Variants in RYR2 observed in about 807,000 individuals in gnomAD.
RYR2 encodes cardiac muscle ryanodine receptor-calcium release channel.
A neutral mutation model predicts 601.1 loss-of-function variants in RYR2; 227 were observed. That is an observed-to-expected ratio of 0.38 (90% CI 0.34 to 0.42). The LOEUF (loss-of-function observed/expected upper bound fraction) is 0.42. RYR2 is among the 10% of genes least tolerant of loss of function. The pLI, the probability that RYR2 is intolerant of heterozygous loss-of-function variation, is 1.00. For missense variants in RYR2, 4,646 were observed against 6,156.5 expected (o/e 0.75, Z 8.21); for synonymous variants, 2,223 against 2,175.1 (o/e 1.02, Z -0.61).
chr1:237,815,578 C>G lies in RYR2; in HGVS notation c.14434-3458C>G, dbSNP rs566489922. On this transcript the variant is annotated intron_variant, in intron 100 of 104. Transcript: ENST00000366574. ...TGACTGTTAAGTCCACTACCGATCT[C>G]TGCTGGAATCCCTTCATCACAATGC... 2.4e-4 allele frequency among the ~76,000 whole-genome samples: 37 copies of G among 152,184 alleles called. 2 individuals are homozygous for G. Among genetic ancestry groups the G allele is most frequent in the Non-Finnish European group, 4.4e-5 (3 of 68,036 alleles).
intron 44 of RYR2, among the ~76,000 whole-genome samples, chr1:237,638,039 G>A (rs978771349): frequency 6.6e-6 from 1 of 151,558 alleles, no homozygotes; most frequent in Non-Finnish European, 1.5e-5. Flanking sequence ...TAGTCCGTGA[G>A]TCTTGAGCCC....
At chr1:237,263,972 C>T (rs543390776) in intron 1 of RYR2, among the ~76,000 whole-genome samples, 2 of 152,140 alleles carry the variant, frequency 1.3e-5, no homozygotes, top group South Asian at 4.2e-4. Flanking sequence ...ATAGGGGCTG[C>T]TATTTTAGAT....
chr1:237,655,977 A>T lies in RYR2; in HGVS notation c.8122A>T (p.Thr2708Ser), dbSNP rs1400288563. 6.2e-7 allele frequency: 1 copy of T among 1,613,070 alleles called. No homozygotes were observed. Among genetic ancestry groups the T allele is most frequent in the South Asian group, 1.1e-5 (1 of 90,856 alleles). The change falls in exon 53 of 105, where the codon ACC (threonine) becomes TCC (serine). Residue 2708 changes from threonine (T) to serine (S), a missense_variant. This residue lies in a region of RYR2 where 1,497 missense variants were observed against 1,842.6 expected (regional missense o/e 0.81). Coordinates refer to ENST00000366574, the MANE Select transcript of RYR2 (RefSeq NM_001035.3). ...EGNFNPQPVD[T>S]SNITIPEKLE... The stretch of plus-strand genomic sequence containing the variant: ...GAACTTTAACCCACAACCTGTTGAT[A>T]CCTCAAAGTATGGACTCTTTCTATT...
intron 1 of RYR2, among the ~76,000 whole-genome samples, chr1:237,121,902 T>G (rs1387199406): frequency 6.6e-6 from 1 of 152,168 alleles, no homozygotes; most frequent in Admixed American, 6.5e-5. Context: ...AAATTAAGTG[T>G]GAAATGCAGG....
intron 3 of RYR2, among the ~76,000 whole-genome samples, chr1:237,335,120 G>C (rs1374621311): frequency 6.6e-6 from 1 of 152,022 alleles, no homozygotes; most frequent in Non-Finnish European, 1.5e-5. Context: ...CTCGACCCCA[G>C]TATTCTCATC....
chr1:237,443,101 A>T (rs910169471), intron 13 of RYR2, among the ~76,000 whole-genome samples: 3 of 151,700 alleles, frequency 2.0e-5, no homozygotes, highest in Non-Finnish European at 4.4e-5. Context: ...TTTTCTCTAC[A>T]CTTCGCTTCT....
intron 81 of RYR2, among the ~76,000 whole-genome samples, chr1:237,756,679 G>A (rs1692982493): frequency 6.6e-6 from 1 of 152,064 alleles, no homozygotes. Context: ...GGGGGTGCAC[G>A]AGCTTTTTCT....
At chr1:237,166,575 A>C (rs1676738554) in intron 1 of RYR2, among the ~76,000 whole-genome samples, 2 of 152,208 alleles carry the variant, frequency 1.3e-5, no homozygotes, top group African/African-American at 4.8e-5. Flanking sequence ...TAACAAAGTT[A>C]GTCATTGAAA....
At position 237,660,085 on chromosome 1, in the gene RYR2, T is replaced by C; in HGVS notation, c.8298+11T>C. ...CTATTGTCTGAAAAGGTAAGGATTT[T>C]TTGTTTGTTTTAGTTTGTAAAGTTT... is the stretch of plus-strand genomic sequence containing the variant. On this transcript the variant is annotated intron_variant, in intron 55 of 104. Coordinates refer to ENST00000366574, the MANE Select transcript of RYR2 (RefSeq NM_001035.3). 1 of 1,458,910 alleles carries C rather than the reference T, an allele frequency of 6.9e-7. No homozygotes were observed. Among genetic ancestry groups the C allele is most frequent in the Non-Finnish European group, 9.1e-7 (1 of 1,095,482 alleles). 90.4% of individuals were successfully genotyped at this position (1,458,910 alleles called of 1,614,324 possible). A position where few individuals can be genotyped will look rare whatever the true frequency, so the allele number is the denominator to read the frequency against.
At chr1:237,721,222 G>C (rs1026423394) in intron 73 of RYR2, among the ~76,000 whole-genome samples, 7 of 152,224 alleles carry the variant, frequency 4.6e-5, no homozygotes, top group African/African-American at 1.7e-4. Context: ...TAAGAGTACA[G>C]ATTAAAACCT....
intron 1 of RYR2, among the ~76,000 whole-genome samples, chr1:237,230,204 G>C (rs946202871): frequency 2.0e-5 from 3 of 152,176 alleles, no homozygotes; most frequent in Admixed American, 1.3e-4. Flanking sequence ...TTGTTGCTCA[G>C]ATAGGCAAAG....
At chr1:237,204,191 G>A (rs751949480) in intron 1 of RYR2, among the ~76,000 whole-genome samples, 7 of 151,668 alleles carry the variant, frequency 4.6e-5, no homozygotes, top group Non-Finnish European at 8.8e-5. Context: ...TGTATTTTTT[G>A]TAGAGACAGG....
intron 1 of RYR2, among the ~76,000 whole-genome samples, chr1:237,153,979 G>A (rs555540635): frequency 6.6e-6 from 1 of 152,232 alleles, no homozygotes; most frequent in East Asian, 1.9e-4. Flanking sequence ...GATTTAAAGG[G>A]TGGATGACCT....
intron 1 of RYR2, among the ~76,000 whole-genome samples, chr1:237,053,814 C>T (rs893533967): frequency 2.6e-5 from 4 of 152,106 alleles, no homozygotes; most frequent in Admixed American, 2.0e-4. Flanking sequence ...GGGAGGGATC[C>T]GTGTCCCAGG....
At chr1:237,672,208 AAG>A (rs1685010886) in intron 58 of RYR2, among the ~76,000 whole-genome samples, 2 of 152,314 alleles carry the variant, frequency 1.3e-5, no homozygotes, top group Admixed American at 6.5e-5. Context: ...AGAGGGTGAG[AAG>A]AGTTTCAGAG....
At chr1:237,282,266 C>T (rs1278230081) in intron 2 of RYR2, among the ~76,000 whole-genome samples, 1 of 151,602 alleles carries the variant, frequency 6.6e-6, no homozygotes, top group Non-Finnish European at 1.5e-5. Context: ...TCAGCTTGGA[C>T]ATTGCAGTGT....
chr1:237,408,372 G>A (rs967361450), intron 10 of RYR2, among the ~76,000 whole-genome samples: 10 of 106,968 alleles, frequency 9.3e-5, no homozygotes, highest in African/African-American at 1.6e-4. Flanking sequence ...TATGAAGGGC[G>A]TGGTCTGTGT....
At chr1:237,479,951 C>T (rs1291600892) in intron 17 of RYR2, among the ~76,000 whole-genome samples, 1 of 152,172 alleles carries the variant, frequency 6.6e-6, no homozygotes, top group Non-Finnish European at 1.5e-5. Flanking sequence ...GAATGAACCT[C>T]TGTAGTCTGT....
intron 19 of RYR2, among the ~76,000 whole-genome samples, chr1:237,495,339 A>G (rs2010030): frequency 0.58 from 88,360 of 151,554 alleles, 26,306 homozygotes; most frequent in African/African-American, 0.72. Flanking sequence ...TTCCAACTGT[A>G]CTTCCAACCA....
Sources: allele counts gnomAD v4.1 joint callset (sites outside exome capture counted in the v4.1 genomes callset), GRCh38; gene constraint gnomAD v4.1.1; regional missense constraint gnomAD v4.1.1; transcripts MANE v1.5; gene names NCBI Gene and HGNC (gene_info 2026-07-23, HGNC 2026-07-21).